The following MYT1L variants were observed in gnomAD, a reference collection of about 807,000 sequenced individuals.
The protein encoded by MYT1L is myelin transcription factor 1-like protein.
A neutral mutation model predicts 126.7 loss-of-function variants in MYT1L; 12 were observed. That is an observed-to-expected ratio of 0.09 (90% CI 0.06 to 0.15). The LOEUF (loss-of-function observed/expected upper bound fraction) is 0.15, where lower values mean the gene tolerates loss of function less well. MYT1L is among the 10% of genes least tolerant of loss of function. MYT1L has a pLI of 1.00. For missense variants in MYT1L, 979 were observed against 1,585.2 expected (o/e 0.62, Z 6.49); for synonymous variants, 541 against 604.2 (o/e 0.90, Z 1.53).
At chr2:2,176,421 G>T (rs1448878507) in intron 2 of MYT1L, among the ~76,000 whole-genome samples, 2 of 151,998 alleles carry the variant, frequency 1.3e-5, no homozygotes, top group Non-Finnish European at 2.9e-5. Context: ...AAAGGTTCGG[G>T]TCTACCTCCC....
chr2:1,902,184 T>C (rs1490419066), intron 14 of MYT1L, among the ~76,000 whole-genome samples: 1 of 152,222 alleles, frequency 6.6e-6, no homozygotes, highest in African/African-American at 2.4e-5. Flanking sequence ...TCCCCTCTAA[T>C]GAAAAGCTAC....
rs79385809 is a variant in MYT1L, at chr2:2,182,390, T to C, written c.-420-9402A>G. On this transcript the variant is annotated intron_variant, in intron 2 of 24. Transcript: ENST00000647738. ...AAATGATTCTGGGCTAGCTGATATT[T>C]TGAGTCACTATTGATTAAAAAGATA... Among the ~76,000 whole-genome samples, 1,077 of 152,302 alleles carry C rather than the reference T, an allele frequency of 7.1e-3. 50 individuals are homozygous for C. The East Asian group carries it at 0.12, about 17-fold the overall frequency.
intron 4 of MYT1L, among the ~76,000 whole-genome samples, chr2:2,004,156 T>C (rs1412079074): frequency 6.6e-6 from 1 of 150,992 alleles, no homozygotes; most frequent in Non-Finnish European, 1.5e-5. Flanking sequence ...CGTTCTTTCC[T>C]GTGTGCCTTC....
rs151141332 is a variant in MYT1L, at chr2:2,217,580, G to T, written c.-420-44592C>A. ...CACCCATAATCCCAGCTACTTGAGAGGCTGAAGGCAGGAGAATTGCTTGAA... is the reference window on the plus strand; with the variant it reads ...CACCCATAATCCCAGCTACTTGAGATGCTGAAGGCAGGAGAATTGCTTGAA... On this transcript the variant is annotated intron_variant, in intron 2 of 24. Coordinates refer to ENST00000647738, the MANE Select transcript of MYT1L (RefSeq NM_001303052.2). 3.7e-3 allele frequency among the ~76,000 whole-genome samples: 567 copies of T among 151,474 alleles called. 3 individuals carry two copies. Among genetic ancestry groups the T allele is most frequent in the African/African-American group, 0.013 (541 of 41,232 alleles).
At chr2:1,969,018 G>A (rs1004214061) in intron 8 of MYT1L, among the ~76,000 whole-genome samples, 93 of 152,228 alleles carry the variant, frequency 6.1e-4, no homozygotes, top group African/African-American at 2.1e-3. Flanking sequence ...ACTCCAAAGC[G>A]GCTGTCCCTT....
In MYT1L at chr2:1,912,105, C is replaced by G; in HGVS notation, c.1624G>C (p.Ala542Pro). Residue 542 changes from alanine to proline, a missense_variant, in exon 12 of 25, where the codon GCC (alanine) becomes CCC (proline). Physicochemically the swap from Ala to Pro is conservative, Grantham distance 27. Coordinates refer to ENST00000647738, the MANE Select transcript of MYT1L (RefSeq NM_001303052.2). The surrounding 1 kb of genome is among the most constrained non-coding windows in gnomAD (Gnocchi z 4.3). ...CACTTGAGGACACTTTCATGCATGGCAAGGACTTGACAGGGAGAGGCAAAG... is the reference window on the plus strand; with the variant it reads ...CACTTGAGGACACTTTCATGCATGGGAAGGACTTGACAGGGAGAGGCAAAG... ...HKDRVPPEIL[A>P]MHESVLKCPT... is the part of the protein sequence containing the mutation. 1 of 1,576,320 alleles carries G rather than the reference C, an allele frequency of 6.3e-7. No homozygotes were observed. The highest frequency in any genetic ancestry group is 8.7e-7 in the Non-Finnish European group (1 of 1,153,642).
At chr2:2,316,419 G>T (rs891933224) in intron 1 of MYT1L, among the ~76,000 whole-genome samples, 6 of 152,176 alleles carry the variant, frequency 3.9e-5, no homozygotes, top group Non-Finnish European at 7.3e-5. Flanking sequence ...ATGCATTCCT[G>T]CTTAACCTGT....
intron 3 of MYT1L, among the ~76,000 whole-genome samples, chr2:2,078,771 T>C (rs146760352): frequency 6.6e-5 from 10 of 152,326 alleles, no homozygotes; most frequent in Non-Finnish European, 1.2e-4. Flanking sequence ...TAGATAAAGC[T>C]ATCAGAACTA....
chr2:2,122,872 T>TGAGAGAGA (rs57060194), intron 3 of MYT1L, among the ~76,000 whole-genome samples: 16 of 132,992 alleles, frequency 1.2e-4, no homozygotes, highest in African/African-American at 4.2e-4. Context: ...TGTGTGTGTG[T>TGAGAGAGA]GAGAGAGAGA....
intron 8 of MYT1L, among the ~76,000 whole-genome samples, chr2:1,964,019 C>G (rs1489129493): frequency 3.3e-5 from 5 of 152,222 alleles, no homozygotes; most frequent in African/African-American, 9.6e-5. Context: ...GCCTTCCTCT[C>G]TAAGCTTAAG....
At chr2:2,138,857 A>G (rs1244814314) in intron 3 of MYT1L, among the ~76,000 whole-genome samples, 1 of 151,662 alleles carries the variant, frequency 6.6e-6, no homozygotes, top group Admixed American at 6.6e-5. Flanking sequence ...AAAAAAAAAA[A>G]AAAAGAAATA....
chr2:2,217,508 C>A (rs900560042), intron 2 of MYT1L, among the ~76,000 whole-genome samples: 1 of 151,866 alleles, frequency 6.6e-6, no homozygotes, highest in Middle Eastern at 3.4e-3. Context: ...CATGGTGAAA[C>A]CCCATCTCTA....
chr2:1,822,468 C>T (rs1162012739), intron 21 of MYT1L, among the ~76,000 whole-genome samples: 1 of 152,216 alleles, frequency 6.6e-6, no homozygotes, highest in Non-Finnish European at 1.5e-5. Context: ...AGGGTGTGTC[C>T]ACTGTCAGCC....
At chr2:2,274,582 T>C (rs1476448606) in intron 2 of MYT1L, among the ~76,000 whole-genome samples, 3 of 152,220 alleles carry the variant, frequency 2.0e-5, no homozygotes, top group East Asian at 3.8e-4. Flanking sequence ...TGTTTTTATC[T>C]AAAGCAATTT....
In MYT1L at chr2:1,797,967, G is replaced by A. The variant is rs556090972; in HGVS notation, c.3276+3729C>T. ...AGGCGCGGCGGTCTCCCCCTTCTCC[G>A]GCACAGGCGCGGCGGTCTCCCCCCA... is the stretch of plus-strand genomic sequence containing the variant. On this transcript the variant is annotated intron_variant, in intron 23 of 24. Transcript: ENST00000647738. Among the ~76,000 whole-genome samples the A allele has an allele frequency of 6.4e-4, 30 of 46,996 alleles. 5 individuals carry two copies. Among genetic ancestry groups the A allele is most frequent in the South Asian group, 5.0e-3 (3 of 602 alleles). 30.8% of individuals were successfully genotyped at this position (46,996 alleles called of 152,430 possible).
rs185255218 is a variant in MYT1L, at chr2:2,033,356, A to G, written c.-158+20622T>C. On this transcript the variant is annotated intron_variant, in intron 4 of 24. Coordinates refer to ENST00000647738, the MANE Select transcript of MYT1L (RefSeq NM_001303052.2). ...TGCCTCTCATCCTGTGGCCCAGAGC[A>G]GATTCCAGAAGGAGGGCCTTACACA... Among the ~76,000 whole-genome samples the G allele has an allele frequency of 6.9e-3, 994 of 145,000 alleles. 10 individuals carry two copies. Among genetic ancestry groups the G allele is most frequent in the African/African-American group, 0.023 (896 of 38,574 alleles).
At chr2:1,820,675 T>C (rs908868213) in intron 21 of MYT1L, among the ~76,000 whole-genome samples, 1 of 152,014 alleles carries the variant, frequency 6.6e-6, no homozygotes, top group Non-Finnish European at 1.5e-5. Context: ...GCCTCCCAAA[T>C]AGCTATGACC....
chr2:1,905,356 T>C (rs2050908177), intron 13 of MYT1L, among the ~76,000 whole-genome samples: 1 of 151,754 alleles, frequency 6.6e-6, no homozygotes, highest in African/African-American at 2.4e-5. Context: ...GGAAGGACAG[T>C]AATTTTTTTT....
chr2:1,961,405 A>G (rs2058948222), intron 8 of MYT1L, among the ~76,000 whole-genome samples: 2 of 152,386 alleles, frequency 1.3e-5, no homozygotes, highest in South Asian at 4.1e-4. Flanking sequence ...ATTCCCAGGC[A>G]TGCAAGATCA....
Sources: allele counts gnomAD v4.1 joint callset (sites outside exome capture counted in the v4.1 genomes callset), GRCh38; gene constraint gnomAD v4.1.1; non-coding constraint Gnocchi (gnomAD v3.1); transcripts MANE v1.5; gene names NCBI Gene and HGNC (gene_info 2026-07-23, HGNC 2026-07-21).